LMNA: variants seen among roughly 807,000 people sequenced by gnomAD.
The protein encoded by LMNA is lamin A/C.
LMNA carries 20 observed loss-of-function variants against 70.4 expected under a neutral mutation model. That is an observed-to-expected ratio of 0.28 (90% CI 0.20 to 0.41). The LOEUF (loss-of-function observed/expected upper bound fraction) is 0.41, where lower values mean the gene tolerates loss of function less well. Among genes scored for constraint, LMNA ranks in the 10% least tolerant of loss-of-function variants. The pLI, the probability that LMNA is intolerant of heterozygous loss-of-function variation, is 1.00. For missense variants in LMNA, 652 were observed against 917.2 expected (o/e 0.71, Z 3.73); for synonymous variants, 339 against 372.8 (o/e 0.91, Z 1.04).
chr1:156,127,269 T>C (rs1650665522), intron 1 of LMNA, among the ~76,000 whole-genome samples: 1 of 152,146 alleles, frequency 6.6e-6, no homozygotes, highest in Non-Finnish European at 1.5e-5. Context: ...TCTTGGGGTG[T>C]GCGTGTGGCT....
intron 2 of LMNA, among the ~76,000 whole-genome samples, chr1:156,132,483 TAAATAA>T (rs1222191338): frequency 2.0e-5 from 3 of 151,796 alleles, no homozygotes; most frequent in African/African-American, 2.4e-5. Context: ...AAAACATAAA[TAAATAA>T]AAATAAAAAT....
chr1:156,100,876 CACAG>C (rs748172868), intron 3 of LMNA, among the ~76,000 whole-genome samples: 5 of 152,174 alleles, frequency 3.3e-5, no homozygotes, highest in South Asian at 2.1e-4. Flanking sequence ...CAGACAATGT[CACAG>C]ACAGTGTGAC....
At chr1:156,111,621 C>T (rs1395456896), upstream of LMNA, among the ~76,000 whole-genome samples, 4 of 152,214 alleles carry the variant, frequency 2.6e-5, no homozygotes, top group Non-Finnish European at 5.9e-5. Flanking sequence ...GCTTCTCCCT[C>T]TGTCTTTCCC....
rs780438960 is a variant in LMNA at position 156,136,150 on chromosome 1, TGGCAGTG to T, written c.1157+30_1157+36del. 4 of 1,613,268 alleles carry T rather than the reference TGGCAGTG, an allele frequency of 2.5e-6. No individual in the cohort carries two copies. In the East Asian group the frequency reaches 6.7e-5, roughly 27 times the overall value. On this transcript the variant is annotated intron_variant, in intron 6 of 11. Transcript: ENST00000368300. This position sits in a 1 kb window ranked among gnomAD's most constrained non-coding sequence, Gnocchi z 6.1. ...GGCTGGGGAGACGTCGGGGAGGTGC[TGGCAGTG>T]TCCTCTGGCCGGCAACTGGCCTTGA...
chr1:156,086,622 G>A (rs985516651), intron 2 of LMNA, among the ~76,000 whole-genome samples: 3 of 152,188 alleles, frequency 2.0e-5, no homozygotes, highest in African/African-American at 7.2e-5. Context: ...GTCTGTGTCT[G>A]GAGTTGTATC....
chr1:156,115,234 C>G lies in LMNA; in HGVS notation c.316C>G (p.Leu106Val). Reference protein sequence around the residue: ...AKERARLQLELSKVREEFKEL... With the variant: ...AKERARLQLEVSKVREEFKEL... ...GGAGCGCGCCCGCCTGCAGCTGGAG[C>G]TGAGCAAAGTGCGTGAGGAGTTTAA... The change falls in exon 1 of 12, where the codon CTG becomes GTG. Residue 106 changes from leucine (L) to valine (V), a missense_variant. Physicochemically the swap from Leu to Val is conservative, Grantham distance 32. This residue lies in a region of LMNA where 254 missense variants were observed against 421.9 expected (regional missense o/e 0.60). Transcript: ENST00000368300. The surrounding 1 kb of genome is among the most constrained non-coding windows in gnomAD (Gnocchi z 5.8). The G allele has an allele frequency of 6.2e-7, 1 of 1,613,014 alleles. No homozygotes were observed. Among genetic ancestry groups the G allele is most frequent in the Non-Finnish European group, 8.5e-7 (1 of 1,179,832 alleles).
chr1:156,127,133 C>A (rs1650656529), intron 1 of LMNA, among the ~76,000 whole-genome samples: 2 of 152,186 alleles, frequency 1.3e-5, no homozygotes, highest in Admixed American at 6.5e-5. Flanking sequence ...GGACCGAATG[C>A]CTGGCTAGGG....
At chr1:156,086,740 A>G (rs992333128) in intron 2 of LMNA, among the ~76,000 whole-genome samples, 2 of 152,158 alleles carry the variant, frequency 1.3e-5, no homozygotes, top group African/African-American at 2.4e-5. Context: ...CCTGGGTTCA[A>G]GCTATTCTCC....
chr1:156,129,932 G>A, intron 1 of LMNA: 1 of 750,358 alleles, frequency 1.3e-6, no homozygotes, highest in South Asian at 1.4e-5. Flanking sequence ...TTCTCCCAGG[G>A]CACGGATGAG....
At chr1:156,106,502 A>G (rs1037231483) in intron 3 of LMNA, among the ~76,000 whole-genome samples, 3 of 152,242 alleles carry the variant, frequency 2.0e-5, no homozygotes, top group Non-Finnish European at 4.4e-5. Context: ...ACCAGCCGTC[A>G]GGCCCTCGCT....
intron 3 of LMNA, among the ~76,000 whole-genome samples, chr1:156,107,495 G>T (rs1009045737): frequency 6.6e-6 from 1 of 152,236 alleles, no homozygotes; most frequent in Admixed American, 6.5e-5. Flanking sequence ...ATTCCTCAGA[G>T]CCCAGGGGCC....
At position 156,139,224 on chromosome 1, in the gene LMNA, T is replaced by G; in HGVS notation, c.*118T>G. ...CTTGAAGCCAAAGAAAAATAACCCT[T>G]TGGTTTTTTTCTTCTGTATTTTTTT... On this transcript the variant is annotated 3_prime_UTR_variant, in exon 12 of 12. Transcript: ENST00000368300. 12 of 1,528,684 alleles carry G rather than the reference T, an allele frequency of 7.8e-6. No homozygotes were observed. The highest frequency in any genetic ancestry group is 1.4e-5 in the African/African-American group (1 of 71,552). 94.7% of individuals were successfully genotyped at this position (1,528,684 alleles called of 1,614,324 possible). A position where few individuals can be genotyped will look rare whatever the true frequency, so the allele number is the denominator to read the frequency against.
rs923597546 is a variant in LMNA at position 156,139,436 on chromosome 1, G to A, written c.*330G>A. 5.9e-6 allele frequency: 8 copies of A among 1,347,958 alleles called. No homozygotes were observed. The highest frequency in any genetic ancestry group is 7.6e-6 in the Non-Finnish European group (8 of 1,052,016). The allele number at this position is 1,347,958 out of a possible 1,614,324, so 83.5% of individuals were successfully genotyped here. On this transcript the variant is annotated 3_prime_UTR_variant, in exon 12 of 12. Coordinates refer to ENST00000368300, the MANE Select transcript of LMNA (RefSeq NM_170707.4). Reference sequence around the variant, plus strand: ...TTCCTCTAGAAGCCAAGGGAAAGGGGTGCTTTTATAGAGGCTAGCTTCTGC... The same window carrying A: ...TTCCTCTAGAAGCCAAGGGAAAGGGATGCTTTTATAGAGGCTAGCTTCTGC...
chr1:156,109,273 C>T (rs1301673310), upstream of LMNA, among the ~76,000 whole-genome samples: 2 of 152,208 alleles, frequency 1.3e-5, no homozygotes, highest in Admixed American at 1.3e-4. Context: ...TTATTTCTTG[C>T]CAAGGCCAGT....
rs144428380 is a variant in LMNA at position 156,092,806 on chromosome 1, C to A, written c.-207+2224C>A. ...CCCTCTTGTCCTGGCCAGCTCCTGC[C>A]CACCTCTCCAGCCCATCCTGCTCCT... On this transcript the variant is annotated intron_variant, in intron 3 of 12. Transcript: ENST00000368301. Among the ~76,000 whole-genome samples, 28 of 152,088 alleles carry A rather than the reference C, an allele frequency of 1.8e-4. 1 individual carries two copies. The East Asian group carries it at 5.4e-3, about 29-fold the overall frequency.
At chr1:156,126,167 T>G in intron 1 of LMNA, 1 of 1,521,742 alleles carries the variant, frequency 6.6e-7, no homozygotes, top group Non-Finnish European at 8.8e-7. Flanking sequence ...TGGGAGACCC[T>G]CTGCTCTTCT....
In LMNA at chr1:156,130,722, G is replaced by A; in HGVS notation, c.462G>A (p.Glu154=). The change falls in exon 2 of 12, where the codon GAG becomes GAA. Residue 154 remains glutamate (E), a synonymous_variant. Transcript: ENST00000368300. ...KEAALSTALS[E]KRTLEGELHD... ...CCGCACTGAGCACTGCTCTCAGTGA[G>A]AAGCGCACGCTGGAGGGCGAGCTGC... 1 of 1,611,612 alleles carries A rather than the reference G, an allele frequency of 6.2e-7. No individual in the cohort carries two copies. Among genetic ancestry groups the A allele is most frequent in the Admixed American group, 1.7e-5 (1 of 59,756 alleles).
rs1651628416 is a variant in LMNA, at chr1:156,136,338, A to G, written c.1282A>G (p.Ser428Gly). 6.2e-7 allele frequency: 1 copy of G among 1,612,210 alleles called. No individual in the cohort carries two copies. The highest frequency in any genetic ancestry group is 2.2e-5 in the East Asian group (1 of 44,900). Residue 428 changes from serine (S) to glycine (G), a missense_variant, in exon 7 of 12, where the codon AGC becomes GGC. By Grantham distance (56) the Ser-to-Gly change is moderately conservative. Around this residue, in one of 4 missense-constraint regions of LMNA, gnomAD observed 327 missense variants for 387.6 expected, o/e 0.84. Transcript: ENST00000368300. The surrounding 1 kb of genome is among the most constrained non-coding windows in gnomAD (Gnocchi z 6.1). ...KRKLESTESR[S>G]SFSQHARTSG... is the part of the protein sequence containing the mutation. ...CAAACTGGAGTCCACTGAGAGCCGC[A>G]GCAGCTTCTCACAGCACGCACGCAC... is the stretch of plus-strand genomic sequence containing the variant.
chr1:156,096,851 G>T (rs747278558), intron 3 of LMNA, among the ~76,000 whole-genome samples: 3 of 152,236 alleles, frequency 2.0e-5, no homozygotes, highest in Non-Finnish European at 2.9e-5. Context: ...CTCATCTCAT[G>T]CCCAGGCGCT....
Sources: allele counts gnomAD v4.1 joint callset (sites outside exome capture counted in the v4.1 genomes callset), GRCh38; gene constraint gnomAD v4.1.1; regional missense constraint gnomAD v4.1.1; non-coding constraint Gnocchi (gnomAD v3.1); transcripts MANE v1.5; gene names NCBI Gene and HGNC (gene_info 2026-07-23, HGNC 2026-07-21).